Variants in DLG1 observed in about 807,000 individuals in gnomAD.
DLG1 encodes discs large MAGUK scaffold protein 1.
Under a neutral mutation model 123.4 loss-of-function variants are expected in DLG1, and 42 were observed. The ratio of observed to expected loss-of-function variants is 0.34; its 90% confidence interval spans 0.27 to 0.44. DLG1 has a LOEUF of 0.44. Among genes scored for constraint, DLG1 ranks in the 20% least tolerant of loss-of-function variants. DLG1 has a pLI of 1.00. For synonymous variants in DLG1, 317 were observed against 356.2 expected, an observed-to-expected ratio of 0.89 and a Z score of 1.24; for missense variants, 942 against 1,082.6, an observed-to-expected ratio of 0.87 and a Z score of 1.82.
At chr3:197,048,665 T>C (rs573742515) in intron 24 of DLG1, among the ~76,000 whole-genome samples, 113 of 152,316 alleles carry the variant, frequency 7.4e-4, no homozygotes, top group Non-Finnish European at 1.5e-3. Context: ...ATTACTATTA[T>C]TATTTTTGAG....
At chr3:197,223,215 T>A (rs972860201) in intron 4 of DLG1, among the ~76,000 whole-genome samples, 4 of 152,156 alleles carry the variant, frequency 2.6e-5, no homozygotes, top group African/African-American at 9.7e-5. Context: ...ACGCGAGACA[T>A]GAGAGATTAA....
rs567843191 is a variant in DLG1 at position 197,211,206 on chromosome 3, A to C, written c.319-16617T>G. ...CATTTATGAAAACCCTACAGCTAAC[A>C]GATGCACAAAGAAGAGCTGGTACCA... On this transcript the variant is annotated intron_variant, in intron 4 of 24. Transcript: ENST00000667157. Among the ~76,000 whole-genome samples, 2 of 146,474 alleles carry C rather than the reference A, an allele frequency of 1.4e-5. 1 individual carries two copies. Among genetic ancestry groups the C allele is most frequent in the South Asian group, 5.2e-4 (2 of 3,872 alleles).
chr3:197,110,093 T>G (rs539476439), intron 13 of DLG1, among the ~76,000 whole-genome samples: 1 of 152,314 alleles, frequency 6.6e-6, no homozygotes, highest in South Asian at 2.1e-4. Flanking sequence ...TTTTCTCTCT[T>G]TCCCATCTTT....
chr3:197,149,904 T>TTA (rs149672384), intron 5 of DLG1, 108 bp from the exon 6 acceptor site: 99,170 of 680,894 alleles, frequency 0.15, 8,239 homozygotes, highest in African/African-American at 0.17. Context: ...AGTTATAATC[T>TTA]TATATGAGCT....
intron 4 of DLG1, among the ~76,000 whole-genome samples, chr3:197,280,744 C>T (rs930634364): frequency 2.6e-5 from 4 of 152,074 alleles, no homozygotes; most frequent in African/African-American, 7.2e-5. Flanking sequence ...GTAAGCAATT[C>T]AATTCTCTTA....
chr3:197,262,131 G>C (rs1759695788), intron 4 of DLG1, among the ~76,000 whole-genome samples: 2 of 152,144 alleles, frequency 1.3e-5, no homozygotes, highest in South Asian at 4.1e-4. Context: ...CTTAAAGTGA[G>C]ACCCCTAGAA....
At chr3:197,245,308 G>C (rs553588759) in intron 4 of DLG1, among the ~76,000 whole-genome samples, 102 of 152,000 alleles carry the variant, frequency 6.7e-4, no homozygotes, top group Non-Finnish European at 1.2e-3. Context: ...CTACATTGTT[G>C]GTGGTTGCAC....
chr3:197,121,620 C>T (rs1003095950), intron 11 of DLG1, among the ~76,000 whole-genome samples: 13 of 151,770 alleles, frequency 8.6e-5, no homozygotes, highest in African/African-American at 3.1e-4. Context: ...ATTTTGACTA[C>T]CTTATTTTGG....
chr3:197,220,459 A>G (rs549797032), intron 4 of DLG1, among the ~76,000 whole-genome samples: 182 of 152,302 alleles, frequency 1.2e-3, no homozygotes, highest in African/African-American at 4.2e-3. Context: ...CTAGATTTTC[A>G]AAGAAAAGGC....
chr3:197,081,342 ATATGTG>A (rs1751016581), intron 16 of DLG1, among the ~76,000 whole-genome samples: 1 of 152,224 alleles, frequency 6.6e-6, no homozygotes, highest in Admixed American at 6.5e-5. Flanking sequence ...CACACAGTAT[ATATGTG>A]TATATTTTTA....
intron 11 of DLG1, among the ~76,000 whole-genome samples, chr3:197,126,241 C>T (rs1779020093): frequency 6.6e-6 from 1 of 151,750 alleles, no homozygotes; most frequent in Admixed American, 6.6e-5. Flanking sequence ...TTTGGGAGGC[C>T]GAAGTGGGTG....
At chr3:197,248,957 A>G (rs551443711) in intron 4 of DLG1, among the ~76,000 whole-genome samples, 1 of 152,296 alleles carries the variant, frequency 6.6e-6, no homozygotes, top group South Asian at 2.1e-4. Flanking sequence ...ACTCTGGCCT[A>G]GGCTACAGAG....
chr3:197,188,975 T>A (rs1368977181), intron 5 of DLG1, among the ~76,000 whole-genome samples: 5 of 152,232 alleles, frequency 3.3e-5, no homozygotes, highest in Non-Finnish European at 7.4e-5. Context: ...ATAATTATTT[T>A]ACGTGGCATC....
chr3:197,297,894 C>A, intron 1 of DLG1: 1 of 984,900 alleles, frequency 1.0e-6, no homozygotes, highest in Non-Finnish European at 1.2e-6. Context: ...CGTACCCCCG[C>A]CCCGCCCGGG....
intron 7 of DLG1, among the ~76,000 whole-genome samples, chr3:197,141,273 A>C (rs1787809835): frequency 6.6e-6 from 1 of 152,214 alleles, no homozygotes; most frequent in Non-Finnish European, 1.5e-5. Context: ...GAGGTTACCA[A>C]ATTACTTAGG....
chr3:197,176,487 G>A (rs1019305527), intron 5 of DLG1, among the ~76,000 whole-genome samples: 3 of 151,894 alleles, frequency 2.0e-5, no homozygotes, highest in Non-Finnish European at 4.4e-5. Flanking sequence ...CTAACCCCTG[G>A]CAACCACTGA....
intron 5 of DLG1, among the ~76,000 whole-genome samples, chr3:197,191,138 C>CA (rs1262974089): frequency 6.6e-6 from 1 of 152,196 alleles, no homozygotes; most frequent in East Asian, 1.9e-4. Flanking sequence ...TATTAATCAG[C>CA]AAAATGGGAT....
At chr3:197,187,250 C>G (rs978505209) in intron 5 of DLG1, among the ~76,000 whole-genome samples, 3 of 152,002 alleles carry the variant, frequency 2.0e-5, no homozygotes, top group Non-Finnish European at 2.9e-5. Flanking sequence ...TCTATATGTT[C>G]CAGAGATGTA....
chr3:197,266,365 TAG>T (rs1411623586), intron 4 of DLG1, among the ~76,000 whole-genome samples: 1 of 152,012 alleles, frequency 6.6e-6, no homozygotes, highest in South Asian at 2.1e-4. Context: ...CAGAGAAGGA[TAG>T]AGTGTGTTAA....
Sources: gnomAD v4.1 joint callset for allele counts (sites outside exome capture counted in the v4.1 genomes callset) on GRCh38, gnomAD v4.1.1 for gene constraint, MANE v1.5 for transcripts, NCBI Gene and HGNC (gene_info 2026-07-23, HGNC 2026-07-21) for gene names.